CDC25C: variants seen among roughly 807,000 people sequenced by gnomAD.
CDC25C encodes the protein M-phase inducer phosphatase 3.
Under a neutral mutation model 52.5 loss-of-function variants are expected in CDC25C, and 48 were observed. That is an observed-to-expected ratio of 0.91 (90% CI 0.72 to 1.16). The LOEUF is 1.16. CDC25C is among the 50% of genes most tolerant of loss of function. CDC25C has a pLI of 0.00. For missense variants in CDC25C, 510 were observed against 566.1 expected, an observed-to-expected ratio of 0.90 and a Z score of 1.01; for synonymous variants, 187 against 206.5, an observed-to-expected ratio of 0.91 and a Z score of 0.81.
In CDC25C at chr5:138,319,305, C is replaced by G. The variant is rs866885800; in HGVS notation, c.529G>C (p.Asp177His). The change falls in exon 7 of 14, where the codon GAT becomes CAT. Residue 177 changes from aspartate (D) to histidine (H), a missense_variant. Asp to His is a moderately conservative substitution (Grantham distance 81). Coordinates refer to ENST00000323760, the MANE Select transcript of CDC25C (RefSeq NM_001790.5). The part of the protein sequence containing the change: ...GSPITTVPKL[D>H]KNPNLGEDQA... ...TCTTCTCCTAGGTTTGGATTTTTAT[C>G]CAATTTTGGAACAGTAGTAATGGGA... 1 of 1,613,476 alleles carries G rather than the reference C, an allele frequency of 6.2e-7. No homozygotes were observed.
At chr5:138,317,701 A>AAAAAAAAC (rs1561706380) in intron 7 of CDC25C, among the ~76,000 whole-genome samples, 1 of 149,526 alleles carries the variant, frequency 6.7e-6, no homozygotes, top group Non-Finnish European at 1.5e-5. Flanking sequence ...AAAAAAAAAA[A>AAAAAAAAC]AAAAAACCAA....
intron 7 of CDC25C, among the ~76,000 whole-genome samples, chr5:138,296,667 G>C (rs1757212755): frequency 6.7e-6 from 1 of 148,792 alleles, no homozygotes; most frequent in Non-Finnish European, 1.5e-5. Context: ...ATGCAGTGGC[G>C]CGATCTCGGC....
chr5:138,302,155 C>T (rs112354065), intron 7 of CDC25C, among the ~76,000 whole-genome samples: 2 of 151,226 alleles, frequency 1.3e-5, no homozygotes, highest in Admixed American at 1.3e-4. Context: ...CCACCATGCC[C>T]GGCTAGTTTT....
At chr5:138,292,726 T>G (rs1347368232) in intron 7 of CDC25C, among the ~76,000 whole-genome samples, 2 of 152,172 alleles carry the variant, frequency 1.3e-5, no homozygotes, top group Non-Finnish European at 2.9e-5. Flanking sequence ...AGAACTAGCC[T>G]TGAGAATTGC....
At chr5:138,326,787 T>C (rs934484917) in intron 4 of CDC25C, among the ~76,000 whole-genome samples, 3 of 151,836 alleles carry the variant, frequency 2.0e-5, no homozygotes, top group South Asian at 2.1e-4. Context: ...AACCCGTCTC[T>C]ACTAAAAATA....
chr5:138,309,698 C>T (rs1474397395), intron 7 of CDC25C, among the ~76,000 whole-genome samples: 1 of 148,262 alleles, frequency 6.7e-6, no homozygotes, highest in Non-Finnish European at 1.5e-5. Context: ...TAACTAAAAC[C>T]TCCCCTGGCT....
At chr5:138,314,054 G>A (rs1321283950) in intron 7 of CDC25C, among the ~76,000 whole-genome samples, 6 of 141,658 alleles carry the variant, frequency 4.2e-5, no homozygotes, top group African/African-American at 1.0e-4. Flanking sequence ...GGAGTGCAGC[G>A]GCACAATCTC....
Position 138,331,195 on chromosome 5 carries a change from C to T in CDC25C, c.-15G>A. On this transcript the variant is annotated 5_prime_UTR_variant, in exon 2 of 14. Coordinates refer to ENST00000323760, the MANE Select transcript of CDC25C (RefSeq NM_001790.5). ...TCCGTAGACATGGTCTTCGAATTCTCACCAGGAGAAAAACAAAACCTAGCT... is the reference window on the plus strand; with the variant it reads ...TCCGTAGACATGGTCTTCGAATTCTTACCAGGAGAAAAACAAAACCTAGCT... 6.2e-7 allele frequency: 1 copy of T among 1,613,498 alleles called. No individual in the cohort carries two copies. Among genetic ancestry groups the T allele is most frequent in the Non-Finnish European group, 8.5e-7 (1 of 1,179,526 alleles).
At chr5:138,299,495 C>CAA (rs70982704) in intron 7 of CDC25C, among the ~76,000 whole-genome samples, 11 of 90,554 alleles carry the variant, frequency 1.2e-4, no homozygotes, top group African/African-American at 3.7e-4. Context: ...GACTCCGTCT[C>CAA]AAAAAAAAAA....
chr5:138,335,223 G>A (rs1358826835), upstream of CDC25C: 1 of 152,366 alleles, frequency 6.6e-6, no homozygotes, highest in Non-Finnish European at 1.5e-5. Flanking sequence ...AGCCTCTGCA[G>A]GGCAGAGGGG....
At chr5:138,310,861 G>C (rs1466870950) in intron 7 of CDC25C, among the ~76,000 whole-genome samples, 1 of 152,170 alleles carries the variant, frequency 6.6e-6, no homozygotes, top group East Asian at 1.9e-4. Flanking sequence ...GTTATCCTTA[G>C]CTGTTATGTT....
intron 11 of CDC25C, among the ~76,000 whole-genome samples, chr5:138,286,921 A>T (rs575124856): frequency 4.6e-5 from 7 of 152,290 alleles, no homozygotes; most frequent in African/African-American, 1.7e-4. Context: ...CCTTGGATTA[A>T]TGTTTTTATT....
chr5:138,322,280 C>G (rs1380968284), intron 6 of CDC25C, among the ~76,000 whole-genome samples: 1 of 146,754 alleles, frequency 6.8e-6, no homozygotes, highest in Non-Finnish European at 1.5e-5. Context: ...GGATTACAGG[C>G]GTGAGCCACA....
chr5:138,311,376 T>C (rs1438989332), intron 7 of CDC25C, among the ~76,000 whole-genome samples: 1 of 152,160 alleles, frequency 6.6e-6, no homozygotes, highest in East Asian at 1.9e-4. Flanking sequence ...AGAGGATCGC[T>C]TGAGGCCAGA....
At chr5:138,334,703 A>G (rs549446254), upstream of CDC25C, among the ~76,000 whole-genome samples, 6 of 152,356 alleles carry the variant, frequency 3.9e-5, no homozygotes, top group Non-Finnish European at 8.8e-5. Context: ...TTTCCTAGCA[A>G]ACATTTTCAC....
At chr5:138,320,596 G>A (rs1327837901) in intron 6 of CDC25C, among the ~76,000 whole-genome samples, 1 of 152,040 alleles carries the variant, frequency 6.6e-6, no homozygotes, top group Non-Finnish European at 1.5e-5. Context: ...GAAGCAGATG[G>A]ATCTCTTGAA....
chr5:138,314,868 A>T (rs1281285271), intron 7 of CDC25C, among the ~76,000 whole-genome samples: 8 of 140,036 alleles, frequency 5.7e-5, no homozygotes, highest in Non-Finnish European at 6.1e-5. Context: ...TGATCTGCCC[A>T]TCTCAACCTC....
At chr5:138,292,156 A>G in intron 7 of CDC25C, 40 bp from the exon 8 acceptor site, 1 of 1,576,056 alleles carries the variant, frequency 6.3e-7, no homozygotes, top group Non-Finnish European at 8.6e-7. Flanking sequence ...TTACTCCTCC[A>G]AGTGTGTCTG....
At chr5:138,331,817 A>G (rs1341739428), upstream of CDC25C, 16 of 969,118 alleles carry the variant, frequency 1.7e-5, no homozygotes, top group Non-Finnish European at 2.0e-5. Context: ...CAACAGCCGC[A>G]GGCGTTGACC....
Sources: gnomAD v4.1 joint callset for allele counts (sites outside exome capture counted in the v4.1 genomes callset) on GRCh38, gnomAD v4.1.1 for gene constraint, MANE v1.5 for transcripts, NCBI Gene and HGNC (gene_info 2026-07-23, HGNC 2026-07-21) for gene names.